Variants in EGFLAM observed in about 807,000 individuals in gnomAD.
EGFLAM encodes the protein EGF like, fibronectin type III and laminin G domains.
A neutral mutation model predicts 113.1 loss-of-function variants in EGFLAM; 79 were observed. The observed-to-expected ratio is 0.70, with a 90% CI of 0.58 to 0.84. The LOEUF is 0.84. EGFLAM is among the 40% of genes least tolerant of loss of function. The probability of loss-of-function intolerance (pLI) is 0.00; values close to 1 mark genes in which losing one functional copy is unlikely to be tolerated. For synonymous variants in EGFLAM, 504 were observed against 487.6 expected (o/e 1.03, Z -0.44); for missense variants, 1,265 against 1,291.6 (o/e 0.98, Z 0.32).
At chr5:38,407,934 C>G (rs1741346441) in intron 9 of EGFLAM, 29 bp downstream of exon 9, 2 of 1,522,614 alleles carry the variant, frequency 1.3e-6, no homozygotes, top group Non-Finnish European at 1.8e-6. Context: ...TTGATGAGTG[C>G]TTTTTGGACA....
chr5:38,329,162 G>A (rs1738972361), intron 1 of EGFLAM, among the ~76,000 whole-genome samples: 2 of 151,970 alleles, frequency 1.3e-5, no homozygotes, highest in South Asian at 4.2e-4. Context: ...GGTGGCACGT[G>A]ACTGTAGTCC....
chr5:38,350,848 T>C (rs1433581650), intron 4 of EGFLAM, among the ~76,000 whole-genome samples: 1 of 152,058 alleles, frequency 6.6e-6, no homozygotes, highest in African/African-American at 2.4e-5. Flanking sequence ...TCCAGCACTG[T>C]AGGAATGTAC....
chr5:38,354,656 G>A (rs892099831), intron 5 of EGFLAM, among the ~76,000 whole-genome samples: 1 of 151,926 alleles, frequency 6.6e-6, no homozygotes, highest in Non-Finnish European at 1.5e-5. Flanking sequence ...CTTGAACCTG[G>A]GAGGCAGAGG....
chr5:38,441,593 TACACACAC>T (rs3048229), intron 17 of EGFLAM, among the ~76,000 whole-genome samples: 6 of 147,560 alleles, frequency 4.1e-5, no homozygotes, highest in Non-Finnish European at 9.0e-5. Flanking sequence ...CGCTGCTTTG[TACACACAC>T]ACACACACAC....
chr5:38,333,921 T>A (rs1370004225), intron 1 of EGFLAM, among the ~76,000 whole-genome samples: 1 of 138,454 alleles, frequency 7.2e-6, no homozygotes, highest in Non-Finnish European at 1.5e-5. Flanking sequence ...TGAGGGTTTT[T>A]TTTTTTTTTT....
intron 17 of EGFLAM, 55 bp from the exon 18 acceptor site, chr5:38,448,246 G>A (rs1316963823): frequency 6.3e-7 from 1 of 1,582,158 alleles, no homozygotes; most frequent in Non-Finnish European, 8.7e-7. Context: ...GTGTGTGAGT[G>A]CAGGGGTCAA....
chr5:38,403,979 G>A (rs969431004), intron 6 of EGFLAM: 4 of 1,608,690 alleles, frequency 2.5e-6, no homozygotes, highest in Non-Finnish European at 2.5e-6. Context: ...GAAGGGATGA[G>A]AACACCGCCT....
At chr5:38,321,186 A>C (rs1738729943) in intron 1 of EGFLAM, among the ~76,000 whole-genome samples, 1 of 152,154 alleles carries the variant, frequency 6.6e-6, no homozygotes, top group Non-Finnish European at 1.5e-5. Context: ...TGATGGGAGA[A>C]AGTGACAGAT....
At chr5:38,397,618 G>A (rs1740996135) in intron 6 of EGFLAM, among the ~76,000 whole-genome samples, 1 of 132,994 alleles carries the variant, frequency 7.5e-6, no homozygotes, top group Non-Finnish European at 1.6e-5. Context: ...TCTAAGATAG[G>A]GTCTACCTGA....
intron 6 of EGFLAM, among the ~76,000 whole-genome samples, chr5:38,386,851 C>T (rs1740676009): frequency 6.6e-6 from 1 of 152,174 alleles, no homozygotes. Flanking sequence ...GCTGAGACAG[C>T]CCTTGCCCTC....
chr5:38,450,873 C>T (rs1224883152), intron 18 of EGFLAM, among the ~76,000 whole-genome samples: 1 of 152,208 alleles, frequency 6.6e-6, no homozygotes, highest in Non-Finnish European at 1.5e-5. Context: ...AGACCTTGTC[C>T]CCAAGGACAG....
At chr5:38,285,157 A>C (rs1758125465) in intron 1 of EGFLAM, among the ~76,000 whole-genome samples, 1 of 152,324 alleles carries the variant, frequency 6.6e-6, no homozygotes, top group South Asian at 2.1e-4. Context: ...TTTTTTAAAA[A>C]AATGAGAGCC....
At chr5:38,331,396 T>A (rs1358336270) in intron 1 of EGFLAM, among the ~76,000 whole-genome samples, 1 of 152,246 alleles carries the variant, frequency 6.6e-6, no homozygotes, top group African/African-American at 2.4e-5. Flanking sequence ...GAACTCTGCC[T>A]ATTCATCCCT....
chr5:38,436,444 C>T (rs1042000515), intron 16 of EGFLAM, among the ~76,000 whole-genome samples: 1 of 152,128 alleles, frequency 6.6e-6, no homozygotes, highest in South Asian at 2.1e-4. Flanking sequence ...TATCTCGCAT[C>T]GCAGTGTCAG....
chr5:38,440,911 G>C (rs1272656380), intron 17 of EGFLAM, among the ~76,000 whole-genome samples: 1 of 152,176 alleles, frequency 6.6e-6, no homozygotes, highest in Non-Finnish European at 1.5e-5. Flanking sequence ...AGAGAGTGTG[G>C]CAAGTGAGTT....
chr5:38,320,875 C>G (rs997584295), intron 1 of EGFLAM, among the ~76,000 whole-genome samples: 4 of 152,058 alleles, frequency 2.6e-5, no homozygotes, highest in African/African-American at 9.7e-5. Context: ...GGGCCTGGAG[C>G]ATGACCACAT....
At chr5:38,451,485 C>T in intron 19 of EGFLAM, 27 bp downstream of exon 19, 1 of 1,606,112 alleles carries the variant, frequency 6.2e-7, no homozygotes, top group Admixed American at 1.7e-5. Flanking sequence ...CTGCCTTCAG[C>T]AGCACCTTGC....
At chr5:38,435,312 A>C (rs1742309805) in intron 16 of EGFLAM, 59 bp downstream of exon 16, 1 of 1,293,152 alleles carries the variant, frequency 7.7e-7, no homozygotes. Flanking sequence ...AAAGAAAGTG[A>C]GGATTATGAT....
intron 18 of EGFLAM, among the ~76,000 whole-genome samples, chr5:38,450,067 A>G (rs1742862021): frequency 6.6e-6 from 1 of 152,204 alleles, no homozygotes; most frequent in African/African-American, 2.4e-5. Flanking sequence ...AAAGAGAAGG[A>G]ATTCTTCCCA....
Sources: gnomAD v4.1 joint callset for allele counts (sites outside exome capture counted in the v4.1 genomes callset) on GRCh38, gnomAD v4.1.1 for gene constraint, MANE v1.5 for transcripts, NCBI Gene and HGNC (gene_info 2026-07-23, HGNC 2026-07-21) for gene names.